Variants in PTCHD4 observed in about 807,000 individuals in gnomAD.
PTCHD4 encodes the protein patched domain-containing protein 4.
Under a neutral mutation model 58.1 loss-of-function variants are expected in PTCHD4, and 33 were observed. The ratio of observed to expected loss-of-function variants is 0.57; its 90% CI spans 0.43 to 0.76. The LOEUF (loss-of-function observed/expected upper bound fraction) is 0.76, where lower values mean the gene tolerates loss of function less well. Ranked by LOEUF, PTCHD4 falls within the 30% of genes least tolerant of loss-of-function variation. The pLI, the probability that PTCHD4 is intolerant of heterozygous loss-of-function variation, is 0.00. For missense variants in PTCHD4, 1,058 were observed against 1,027.1 expected, an observed-to-expected ratio of 1.03 and a Z score of -0.41; for synonymous variants, 478 against 409.6, an observed-to-expected ratio of 1.17 and a Z score of -2.02.
chr6:47,969,766 A>G (rs1355895152), intron 4 of PTCHD4, among the ~76,000 whole-genome samples: 1 of 152,222 alleles, frequency 6.6e-6, no homozygotes, highest in Non-Finnish European at 1.5e-5. Context: ...CTTAGAAATG[A>G]AAATTTCAAT....
chr6:48,068,102 T>A lies in PTCHD4; in HGVS notation c.417+128A>T. Reference sequence around the variant, plus strand: ...CCTCACTTGCACCCTGGCTGTTGTCTTATTGGAGACGGCAGCCTGCCTGAG... The same window carrying A: ...CCTCACTTGCACCCTGGCTGTTGTCATATTGGAGACGGCAGCCTGCCTGAG... On this transcript the variant is annotated intron_variant, in intron 3 of 4. Transcript: ENST00000339488. This position sits in a 1 kb window ranked among gnomAD's most constrained non-coding sequence, Gnocchi z 4.2. 1 of 1,014,792 alleles carries A rather than the reference T, an allele frequency of 9.9e-7. No homozygotes were observed. Among genetic ancestry groups the A allele is most frequent in the Non-Finnish European group, 1.4e-6 (1 of 690,640 alleles). 62.9% of individuals were successfully genotyped at this position (1,014,792 alleles called of 1,614,324 possible).
At chr6:47,914,314 G>A (rs1765162507) in intron 4 of PTCHD4, among the ~76,000 whole-genome samples, 1 of 152,110 alleles carries the variant, frequency 6.6e-6, no homozygotes, top group Non-Finnish European at 1.5e-5. Context: ...GGGCATGTCT[G>A]TGAGGGTGAT....
intron 1 of PTCHD4, among the ~76,000 whole-genome samples, chr6:48,100,247 T>A (rs899454926): frequency 2.0e-5 from 3 of 152,122 alleles, no homozygotes; most frequent in African/African-American, 7.2e-5. Context: ...AATAGGTATA[T>A]CTTCAAATAT....
At chr6:48,100,139 TGA>T (rs1765570190) in intron 1 of PTCHD4, among the ~76,000 whole-genome samples, 1 of 152,200 alleles carries the variant, frequency 6.6e-6, no homozygotes, top group Non-Finnish European at 1.5e-5. Context: ...TAGGTGGATG[TGA>T]GTGGATGTGC....
rs1021219367 is a variant in PTCHD4 at position 48,106,299 on chromosome 6, A to G, written c.-970+4750T>C. 3.3e-5 allele frequency among the ~76,000 whole-genome samples: 5 copies of G among 152,336 alleles called. No homozygotes were observed. In the East Asian group the frequency reaches 9.6e-4, roughly 29 times the overall value. On this transcript the variant is annotated intron_variant, in intron 1 of 4. Coordinates refer to ENST00000339488, the MANE Select transcript of PTCHD4 (RefSeq NM_001384253.1). Reference sequence around the variant, plus strand: ...CTGGGATGCAAGCCTGGTTCAACATACGAAAATCAATAGACGTAATCCAGC... The same window carrying G: ...CTGGGATGCAAGCCTGGTTCAACATGCGAAAATCAATAGACGTAATCCAGC...
Position 47,875,402 on chromosome 6 carries a change from CT to C in PTCHD4, c.*2900del, listed in dbSNP as rs1554147888. ...CAGGAAATGGAATTCTTGGAAACAT[CT>C]GTTTCACAGTGAGGTTGGGAGGTCA... On this transcript the variant is annotated 3_prime_UTR_variant, in exon 5 of 5. Transcript: ENST00000339488. Among the ~76,000 whole-genome samples the C allele has an allele frequency of 6.6e-6, 1 of 151,820 alleles. No homozygotes were observed. The highest frequency in any genetic ancestry group is 1.5e-5 in the Non-Finnish European group (1 of 67,872).
intron 3 of PTCHD4, among the ~76,000 whole-genome samples, chr6:48,018,395 C>G (rs544287780): frequency 7.9e-5 from 12 of 152,062 alleles, no homozygotes; most frequent in African/African-American, 2.4e-4. Context: ...GAAATCTGCC[C>G]CAAGAGAAAA....
Position 48,017,492 on chromosome 6 carries a change from C to G in PTCHD4, c.418-8378G>C, listed in dbSNP as rs562675061. 3.9e-5 allele frequency among the ~76,000 whole-genome samples: 6 copies of G among 152,156 alleles called. No individual in the cohort carries two copies. In the East Asian group the frequency reaches 1.2e-3, roughly 29 times the overall value. The stretch of plus-strand genomic sequence containing the variant: ...CTGTATTGCTGAAATAAAATAAAAA[C>G]TCTAGCCATCCAGAATATAAAATAA... On this transcript the variant is annotated intron_variant, in intron 3 of 4. Transcript: ENST00000339488.
intron 4 of PTCHD4, among the ~76,000 whole-genome samples, chr6:47,978,465 T>C (rs1767773631): frequency 6.6e-6 from 1 of 152,208 alleles, no homozygotes; most frequent in East Asian, 1.9e-4. Context: ...CTTAGTTTCA[T>C]AATATAAAAA....
intron 4 of PTCHD4, among the ~76,000 whole-genome samples, chr6:47,966,993 AT>A (rs1767319291): frequency 6.6e-6 from 1 of 152,172 alleles, no homozygotes; most frequent in Non-Finnish European, 1.5e-5. Flanking sequence ...CCCATGAATC[AT>A]GGATGATTGT....
At chr6:48,078,235 T>C (rs1765096001) in intron 1 of PTCHD4, among the ~76,000 whole-genome samples, 1 of 152,194 alleles carries the variant, frequency 6.6e-6, no homozygotes, top group Non-Finnish European at 1.5e-5. Flanking sequence ...GATTCCCTAC[T>C]CAAGTCTCAG....
chr6:48,023,367 AT>A (rs1763132663), intron 3 of PTCHD4, among the ~76,000 whole-genome samples: 1 of 152,164 alleles, frequency 6.6e-6, no homozygotes, highest in Non-Finnish European at 1.5e-5. Flanking sequence ...ATTTACTTAG[AT>A]TTTTATGCAA....
intron 1 of PTCHD4, among the ~76,000 whole-genome samples, chr6:48,088,428 C>T (rs1765302321): frequency 6.6e-6 from 1 of 152,054 alleles, no homozygotes; most frequent in Non-Finnish European, 1.5e-5. Flanking sequence ...CTTTTGGGCT[C>T]CGTTTAATGA....
intron 4 of PTCHD4, among the ~76,000 whole-genome samples, chr6:47,976,275 A>G (rs1242573410): frequency 6.6e-6 from 1 of 152,172 alleles, no homozygotes; most frequent in Non-Finnish European, 1.5e-5. Context: ...TCCTTTTCTC[A>G]TAGGGGGAAT....
chr6:47,960,844 C>T (rs535863982), intron 4 of PTCHD4, among the ~76,000 whole-genome samples: 4 of 150,954 alleles, frequency 2.6e-5, no homozygotes, highest in African/African-American at 9.7e-5. Flanking sequence ...CAAGTATAGT[C>T]AGAAATTTTA....
chr6:47,918,990 A>C (rs1010226641), intron 4 of PTCHD4, among the ~76,000 whole-genome samples: 5 of 152,064 alleles, frequency 3.3e-5, no homozygotes, highest in Non-Finnish European at 5.9e-5. Flanking sequence ...GTTAGATTAG[A>C]CCGAACCCGT....
chr6:48,109,292 G>A (rs1765811896), intron 1 of PTCHD4, among the ~76,000 whole-genome samples: 1 of 152,066 alleles, frequency 6.6e-6, no homozygotes, highest in Non-Finnish European at 1.5e-5. Flanking sequence ...CCACAAGACT[G>A]TCATAAAAAC....
At chr6:48,020,947 C>T (rs1226128614) in intron 3 of PTCHD4, among the ~76,000 whole-genome samples, 1 of 151,908 alleles carries the variant, frequency 6.6e-6, no homozygotes, top group East Asian at 1.9e-4. Context: ...ACAAAAATAA[C>T]AAATTTCACT....
chr6:47,991,415 A>G (rs1246577691), intron 4 of PTCHD4, among the ~76,000 whole-genome samples: 1 of 152,154 alleles, frequency 6.6e-6, no homozygotes, highest in African/African-American at 2.4e-5. Context: ...GAGTAAAACA[A>G]ACAAACAAAA....
Sources: allele counts gnomAD v4.1 joint callset (sites outside exome capture counted in the v4.1 genomes callset), GRCh38; gene constraint gnomAD v4.1.1; non-coding constraint Gnocchi (gnomAD v3.1); transcripts MANE v1.5; gene names NCBI Gene and HGNC (gene_info 2026-07-23, HGNC 2026-07-21).